Variants in OR3A2 observed in about 807,000 individuals in gnomAD.
OR3A2 encodes olfactory receptor family 3 subfamily A member 2.
For missense variants in OR3A2, 318 were observed against 392.8 expected (o/e 0.81, Z 1.61); for synonymous variants, 126 against 159.3 (o/e 0.79, Z 1.57).
At position 3,355,112 on chromosome 17, in the gene OR3A2, ATTC is replaced by A. The variant is rs578138190; in HGVS notation, c.-178-18989_-178-18987del. ...CCATATAGTTCACATAGTTTCCAAA[ATTC>A]TTCTTATTATTGATTTCTACTTTTA... On this transcript the variant is annotated intron_variant, in intron 2 of 4. Transcript: ENST00000573491. Among the ~76,000 whole-genome samples, 351 of 151,504 alleles carry A rather than the reference ATTC, an allele frequency of 2.3e-3. 2 individuals are homozygous for A. The highest frequency in any genetic ancestry group is 4.1e-3 in the Admixed American group (62 of 15,192).
At chr17:3,278,254 T>C in exon 2 of OR3A2, 1 of 1,614,186 alleles carries the variant, frequency 6.2e-7, no homozygotes, top group Non-Finnish European at 8.5e-7. Context: ...GCCACGTGGC[T>C]GTAGGCAGTG....
At chr17:3,383,138 A>C (rs2049752547) in intron 2 of OR3A2, among the ~76,000 whole-genome samples, 1 of 152,348 alleles carries the variant, frequency 6.6e-6, no homozygotes, top group African/African-American at 2.4e-5. Context: ...ATAGTGGAAT[A>C]GGTTCCTTTG....
chr17:3,315,433 G>A (rs1428471697), intron 3 of OR3A2, among the ~76,000 whole-genome samples: 1 of 152,276 alleles, frequency 6.6e-6, no homozygotes, highest in Non-Finnish European at 1.5e-5. Context: ...TTCCTCTGAT[G>A]ATTAGTGATG....
rs1490869026 is a variant in OR3A2, at chr17:3,327,874, C to T, written c.-85+8159G>A. ...CAAAGATCAGATAGCTGTAGACATG[C>T]GGTGTTATTTCTGAGGGCTCTGTTC... is the stretch of plus-strand genomic sequence containing the variant. On this transcript the variant is annotated intron_variant, in intron 3 of 4. Coordinates refer to the OR3A2 transcript ENST00000573491. Among the ~76,000 whole-genome samples the T allele has an allele frequency of 1.3e-4, 18 of 133,958 alleles. 1 individual carries two copies. Among genetic ancestry groups the T allele is most frequent in the African/African-American group, 3.4e-4 (11 of 32,802 alleles). The allele number at this position is 133,958 out of a possible 152,430, so 87.9% of individuals were successfully genotyped here.
intron 2 of OR3A2, among the ~76,000 whole-genome samples, chr17:3,337,132 T>G (rs1415702247): frequency 6.6e-6 from 1 of 152,220 alleles, no homozygotes; most frequent in Admixed American, 6.5e-5. Context: ...TTATTTAACC[T>G]TCATTTTTTA....
At chr17:3,286,943 C>T (rs1241259202), upstream of OR3A2, among the ~76,000 whole-genome samples, 2 of 152,130 alleles carry the variant, frequency 1.3e-5, no homozygotes, top group Non-Finnish European at 2.9e-5. Context: ...TCAGTTTCGG[C>T]TTTTGTTGCC....
intron 2 of OR3A2, among the ~76,000 whole-genome samples, chr17:3,347,917 A>T (rs1390127855): frequency 6.6e-6 from 1 of 152,132 alleles, no homozygotes; most frequent in East Asian, 1.9e-4. Flanking sequence ...TTGCTTCCTG[A>T]CTTTTTAATG....
chr17:3,348,260 T>A (rs230449), intron 2 of OR3A2, among the ~76,000 whole-genome samples: 61,387 of 151,902 alleles, frequency 0.4, 12,753 homozygotes, highest in Admixed American at 0.52. Flanking sequence ...TTAGATCCCA[T>A]TTATCCATTT....
At position 3,309,920 on chromosome 17, in the gene OR3A2, C is replaced by A. The variant is rs560186836; in HGVS notation, c.-85+26113G>T. ...TGCTTCCCCGAAGCTTCCCTTTCATCCTCTGGGATCTTGTGTACCTCAACT... is the reference window on the plus strand; with the variant it reads ...TGCTTCCCCGAAGCTTCCCTTTCATACTCTGGGATCTTGTGTACCTCAACT... On this transcript the variant is annotated intron_variant, in intron 3 of 4. Coordinates refer to the OR3A2 transcript ENST00000573491. 10 of 189,704 alleles carry A rather than the reference C, an allele frequency of 5.3e-5. No homozygotes were observed. The East Asian group carries it at 1.1e-3, about 21-fold the overall frequency. The allele number at this position is 189,704 out of a possible 1,614,324, so 11.8% of individuals were successfully genotyped here. A position where few individuals can be genotyped will look rare whatever the true frequency, so the allele number is the denominator to read the frequency against.
chr17:3,367,351 C>T (rs775042807), intron 2 of OR3A2, among the ~76,000 whole-genome samples: 1 of 151,982 alleles, frequency 6.6e-6, no homozygotes, highest in Non-Finnish European at 1.5e-5. Flanking sequence ...AATCTTTTAT[C>T]CCTCATACCC....
chr17:3,342,976 T>C (rs1354150908), intron 2 of OR3A2, among the ~76,000 whole-genome samples: 1 of 152,206 alleles, frequency 6.6e-6, no homozygotes, highest in Non-Finnish European at 1.5e-5. Flanking sequence ...ACGCCCCTCC[T>C]CCAGCCAGGC....
At chr17:3,363,660 G>T (rs2049537886) in intron 2 of OR3A2, among the ~76,000 whole-genome samples, 1 of 148,042 alleles carries the variant, frequency 6.8e-6, no homozygotes, top group Non-Finnish European at 1.5e-5. Context: ...TTATAGCAAT[G>T]CCCACTTCCC....
chr17:3,361,043 C>T (rs947780819), intron 2 of OR3A2, among the ~76,000 whole-genome samples: 20 of 151,530 alleles, frequency 1.3e-4, no homozygotes, highest in African/African-American at 4.9e-4. Context: ...ATTCTTCCTA[C>T]CCATGAGCAT....
At chr17:3,351,210 G>T (rs1205814568) in intron 2 of OR3A2, among the ~76,000 whole-genome samples, 1 of 136,472 alleles carries the variant, frequency 7.3e-6, no homozygotes, top group Admixed American at 8.0e-5. Flanking sequence ...GGAAATAAAG[G>T]GTATTCAATT....
Position 3,375,474 on chromosome 17 carries a change from G to T in OR3A2, c.-179+8330C>A, listed in dbSNP as rs143499384. ...TATGCCACCATGTCTGGCTCATTTTGTATTTTTAGTAGAGATGGGGTTTCA... is the reference window on the plus strand; with the variant it reads ...TATGCCACCATGTCTGGCTCATTTTTTATTTTTAGTAGAGATGGGGTTTCA... On this transcript the variant is annotated intron_variant, in intron 2 of 4. Coordinates refer to the OR3A2 transcript ENST00000573491. Among the ~76,000 whole-genome samples the T allele has an allele frequency of 8.8e-3, 1,335 of 151,402 alleles. 20 individuals carry two copies. Among genetic ancestry groups the T allele is most frequent in the African/African-American group, 0.031 (1,274 of 41,246 alleles).
chr17:3,326,680 T>A (rs911978741), intron 3 of OR3A2, among the ~76,000 whole-genome samples: 6 of 147,510 alleles, frequency 4.1e-5, no homozygotes. Context: ...ATTAGGTATA[T>A]CTCCCAATGC....
At chr17:3,299,277 A>G (rs1267209498) in intron 3 of OR3A2, among the ~76,000 whole-genome samples, 1 of 152,160 alleles carries the variant, frequency 6.6e-6, no homozygotes, top group East Asian at 1.9e-4. Context: ...TGGAGGTGAG[A>G]AGGAGGCACA....
intron 3 of OR3A2, chr17:3,292,698 T>A: frequency 1.2e-6 from 1 of 867,050 alleles, no homozygotes. Flanking sequence ...CCACGTTCCC[T>A]CTGTACAAGT....
intron 3 of OR3A2, among the ~76,000 whole-genome samples, chr17:3,290,664 GA>G (rs1276360707): frequency 3.3e-5 from 5 of 152,124 alleles, no homozygotes; most frequent in African/African-American, 1.2e-4. Context: ...AAGATACAGC[GA>G]AATCATGGCT....
Sources: gnomAD v4.1 joint callset for allele counts (sites outside exome capture counted in the v4.1 genomes callset) on GRCh38, gnomAD v4.1.1 for gene constraint, MANE v1.5 for transcripts, NCBI Gene and HGNC (gene_info 2026-07-23, HGNC 2026-07-21) for gene names.